The following CAP2 variants were observed in gnomAD, a reference collection of about 807,000 sequenced individuals.
CAP2 encodes adenylyl cyclase-associated protein 2.
CAP2 carries 24 observed loss-of-function variants against 57.7 expected under a neutral mutation model. The observed-to-expected ratio is 0.42, with a 90% CI of 0.30 to 0.58. CAP2 has a LOEUF of 0.58. Among genes scored for constraint, CAP2 ranks in the 20% least tolerant of loss-of-function variants. CAP2 has a pLI of 0.22. For missense variants in CAP2, 501 were observed against 590.3 expected (o/e 0.85, Z 1.57); for synonymous variants, 194 against 207.2 (o/e 0.94, Z 0.55).
rs556653595 is a variant in CAP2, at chr6:17,540,631, G to A, written c.827-342G>A. On this transcript the variant is annotated intron_variant, in intron 8 of 12. Coordinates refer to ENST00000229922, the MANE Select transcript of CAP2 (RefSeq NM_006366.3). Reference sequence around the variant, plus strand: ...GCTAAGCGTGTGGTGGTGCATGCCTGTAATCCCAGCTACTTGGGAGGCTGA... The same window carrying A: ...GCTAAGCGTGTGGTGGTGCATGCCTATAATCCCAGCTACTTGGGAGGCTGA... Among the ~76,000 whole-genome samples, 4 of 152,234 alleles carry A rather than the reference G, an allele frequency of 2.6e-5. 1 individual carries two copies. The highest frequency in any genetic ancestry group is 2.6e-4 in the Admixed American group (4 of 15,294).
chr6:17,436,668 C>T (rs1251024631), intron 3 of CAP2, among the ~76,000 whole-genome samples: 1 of 152,008 alleles, frequency 6.6e-6, no homozygotes, highest in Non-Finnish European at 1.5e-5. Context: ...CCACCTTCTG[C>T]TTGTCTCCCT....
chr6:17,497,881 G>T (rs1437549172), intron 4 of CAP2, among the ~76,000 whole-genome samples: 9 of 152,166 alleles, frequency 5.9e-5, no homozygotes, highest in African/African-American at 2.2e-4. Flanking sequence ...GGGTTTTCTT[G>T]TTTGTTTATT....
At chr6:17,555,198 C>A (rs912640125) in intron 12 of CAP2, among the ~76,000 whole-genome samples, 2 of 151,872 alleles carry the variant, frequency 1.3e-5, no homozygotes, top group South Asian at 2.1e-4. Flanking sequence ...TCAGAATCTG[C>A]ATTTTTTTTT....
chr6:17,539,932 A>G (rs1762861783), intron 8 of CAP2, among the ~76,000 whole-genome samples: 1 of 151,992 alleles, frequency 6.6e-6, no homozygotes, highest in Non-Finnish European at 1.5e-5. Context: ...ATAAACAGAA[A>G]TTAGCTGGGC....
chr6:17,394,631 A>G (rs1025987176), intron 1 of CAP2, among the ~76,000 whole-genome samples: 1 of 152,236 alleles, frequency 6.6e-6, no homozygotes, highest in African/African-American at 2.4e-5. Flanking sequence ...GAAATGCAGA[A>G]GCTTCTGGGA....
chr6:17,447,410 AG>A (rs1433931468), intron 3 of CAP2, among the ~76,000 whole-genome samples: 2 of 152,214 alleles, frequency 1.3e-5, no homozygotes, highest in African/African-American at 4.8e-5. Flanking sequence ...ATTTTTTAAA[AG>A]GGGAAGGAAA....
At chr6:17,484,752 G>A (rs969158068) in intron 4 of CAP2, among the ~76,000 whole-genome samples, 1 of 152,136 alleles carries the variant, frequency 6.6e-6, no homozygotes, top group African/African-American at 2.4e-5. Context: ...ATGTAGAATT[G>A]CCTATAGTAA....
At chr6:17,543,384 G>A (rs1205609639) in intron 11 of CAP2, among the ~76,000 whole-genome samples, 5 of 151,840 alleles carry the variant, frequency 3.3e-5, no homozygotes, top group Non-Finnish European at 5.9e-5. Flanking sequence ...TTGGGAGGCC[G>A]AGGTGGGCGG....
At chr6:17,528,587 A>G (rs1316948154) in intron 7 of CAP2, among the ~76,000 whole-genome samples, 1 of 152,114 alleles carries the variant, frequency 6.6e-6, no homozygotes, top group Non-Finnish European at 1.5e-5. Context: ...AAACCATGAG[A>G]TCTGAGTTTT....
intron 1 of CAP2, among the ~76,000 whole-genome samples, chr6:17,416,992 G>T (rs533149299): frequency 1.3e-5 from 2 of 152,152 alleles, no homozygotes; most frequent in Non-Finnish European, 2.9e-5. Context: ...AGTTACTAGG[G>T]AGGATCTTTG....
chr6:17,440,886 G>A (rs1267930773), intron 3 of CAP2, among the ~76,000 whole-genome samples: 3 of 150,734 alleles, frequency 2.0e-5, no homozygotes, highest in Non-Finnish European at 2.9e-5. Context: ...TGTTCTCTTT[G>A]TTCAGTTCCC....
rs144566110 is a variant in CAP2 at position 17,458,606 on chromosome 6, C to A, written c.223-4390C>A. ...AGTCATTTTCCAGTTAACACATGTA[C>A]CTTACAGAAAATTATCTGATATTGA... On this transcript the variant is annotated intron_variant, in intron 3 of 12. Transcript: ENST00000229922. Among the ~76,000 whole-genome samples the A allele has an allele frequency of 3.3e-5, 5 of 152,206 alleles. No homozygotes were observed. In the East Asian group the frequency reaches 9.7e-4, roughly 29 times the overall value.
chr6:17,507,590 T>A, intron 5 of CAP2, 51 bp from the exon 6 acceptor site: 1 of 1,105,902 alleles, frequency 9.0e-7, no homozygotes, highest in Non-Finnish European at 1.4e-6. Flanking sequence ...TTTTCTTTCT[T>A]ATCCTATTTT....
intron 4 of CAP2, among the ~76,000 whole-genome samples, chr6:17,477,424 G>A (rs552232226): frequency 2.6e-5 from 4 of 152,236 alleles, no homozygotes; most frequent in South Asian, 2.1e-4. Flanking sequence ...TGCTCATAAC[G>A]AGTGCTCAAC....
At chr6:17,437,881 A>G (rs1465645719) in intron 3 of CAP2, among the ~76,000 whole-genome samples, 1 of 152,186 alleles carries the variant, frequency 6.6e-6, no homozygotes, top group Non-Finnish European at 1.5e-5. Flanking sequence ...ACTCCGTCTC[A>G]AAGAAAAAAG....
At chr6:17,440,773 A>G (rs1238555458) in intron 3 of CAP2, among the ~76,000 whole-genome samples, 1 of 151,172 alleles carries the variant, frequency 6.6e-6, no homozygotes, top group African/African-American at 2.5e-5. Context: ...TGCACCCATT[A>G]ACTCGTCATT....
chr6:17,468,705 A>C (rs1760936446), intron 4 of CAP2, among the ~76,000 whole-genome samples: 1 of 152,222 alleles, frequency 6.6e-6, no homozygotes, highest in Non-Finnish European at 1.5e-5. Flanking sequence ...ATCCTCTTCC[A>C]GTTGATGGAA....
At chr6:17,402,774 A>C (rs1179666682) in intron 1 of CAP2, among the ~76,000 whole-genome samples, 1 of 152,210 alleles carries the variant, frequency 6.6e-6, no homozygotes, top group Non-Finnish European at 1.5e-5. Flanking sequence ...CTTTACTATC[A>C]GTTTTCTGCA....
chr6:17,543,149 C>T lies in CAP2; in HGVS notation c.1209+6C>T, dbSNP rs747764278. On this transcript the variant is annotated splice_donor_region_variant and intron_variant, in intron 11 of 12. Transcript: ENST00000229922. ...CCCAGGACATTCAAATCCAGGTAAG[C>T]AGAGCCTTTCCAACCATGCTGTAAT... 6.2e-7 allele frequency: 1 copy of T among 1,609,226 alleles called. No homozygotes were observed. Among genetic ancestry groups the T allele is most frequent in the African/African-American group, 1.3e-5 (1 of 74,822 alleles).
Sources: gnomAD v4.1 joint callset for allele counts (sites outside exome capture counted in the v4.1 genomes callset) on GRCh38, gnomAD v4.1.1 for gene constraint, MANE v1.5 for transcripts, NCBI Gene and HGNC (gene_info 2026-07-23, HGNC 2026-07-21) for gene names.